The following TEX55 variants were observed in gnomAD, a reference collection of about 807,000 sequenced individuals.
The protein encoded by TEX55 is testis-specific expressed protein 55.
Under a neutral mutation model 44.6 loss-of-function variants are expected in TEX55, and 31 were observed. That is an observed-to-expected ratio of 0.69 (90% CI 0.52 to 0.94). The LOEUF (loss-of-function observed/expected upper bound fraction) is 0.94, where lower values mean the gene tolerates loss of function less well. Among genes scored for constraint, TEX55 ranks in the 40% least tolerant of loss-of-function variants. TEX55 has a pLI of 0.00. For synonymous variants in TEX55, 230 were observed against 230.9 expected, an observed-to-expected ratio of 1.00 and a Z score of 0.04; for missense variants, 639 against 638.4, an observed-to-expected ratio of 1.00 and a Z score of -0.01.
At position 119,146,632 on chromosome 3, in the gene TEX55, G is replaced by A. The variant is rs146790452; in HGVS notation, c.443G>A (p.Arg148Gln). The change falls in exon 1 of 3, where the codon CGA becomes CAA. Residue 148 changes from arginine (R) to glutamine (Q), a missense_variant. By Grantham distance (43) the Arg-to-Gln change is conservative (BLOSUM62 1). Transcript: ENST00000295622. ...TEERTAEQTE[R>Q]RLPTQAERRT... Reference sequence around the variant, plus strand: ...GAAAGAACTGCTGAACAGACTGAACGAAGATTACCTACCCAGGCTGAGAGA... The same window carrying A: ...GAAAGAACTGCTGAACAGACTGAACAAAGATTACCTACCCAGGCTGAGAGA... 1.1e-4 allele frequency: 174 copies of A among 1,614,142 alleles called. No individual in the cohort carries two copies. In the East Asian group the frequency reaches 3.3e-3, roughly 31 times the overall value.
chr3:119,147,183 C>G lies in TEX55; in HGVS notation c.994C>G (p.Gln332Glu). 1 of 1,614,144 alleles carries G rather than the reference C, an allele frequency of 6.2e-7. No individual in the cohort carries two copies. The highest frequency in any genetic ancestry group is 8.5e-7 in the Non-Finnish European group (1 of 1,180,026). The change falls in exon 1 of 3, where the codon CAA becomes GAA. Residue 332 changes from glutamine (Q) to glutamate (E), a missense_variant. Physicochemically the swap from Gln to Glu is conservative, Grantham distance 29. Coordinates refer to ENST00000295622, the MANE Select transcript of TEX55 (RefSeq NM_152539.3). ...AIDQAHSNAD[Q>E]PPVDNAHYTE... ...TGACCAAGCTCATAGTAATGCTGAT[C>G]AACCTCCAGTTGACAATGCTCACTA...
chr3:119,149,840 G>A (rs530788071), intron 2 of TEX55, among the ~76,000 whole-genome samples: 1 of 152,222 alleles, frequency 6.6e-6, no homozygotes, highest in Non-Finnish European at 1.5e-5. Flanking sequence ...TTCTCTAGAG[G>A]GGAAAAGATA....
intron 1 of TEX55, 67 bp from the exon 2 acceptor site, chr3:119,148,113 G>A: frequency 7.2e-7 from 1 of 1,384,874 alleles, no homozygotes; most frequent in Non-Finnish European, 1.0e-6. Flanking sequence ...AGGTTTCACT[G>A]ATAATGACAA....
rs753825844 is a variant in TEX55 at position 119,148,320 on chromosome 3, C to T, written c.1539C>T (p.Phe513=). Residue 513 remains phenylalanine (F), a synonymous_variant, in exon 2 of 3, where the codon TTC becomes TTT. Transcript: ENST00000295622. ...YMEKHHILQI[F]QQITENLVYE... ...AAAAACACCACATTCTGCAAATATT[C>T]CAGGTAAACCTCTCAATTCCTCTCT... 6.2e-7 allele frequency: 1 copy of T among 1,609,122 alleles called. No homozygotes were observed. Among genetic ancestry groups the T allele is most frequent in the South Asian group, 1.1e-5 (1 of 89,444 alleles).
Position 119,147,454 on chromosome 3 carries a change from A to G in TEX55, c.1265A>G (p.Asn422Ser). The change falls in exon 1 of 3, where the codon AAC (asparagine) becomes AGC (serine). Residue 422 changes from asparagine to serine, a missense_variant. Coordinates refer to ENST00000295622, the MANE Select transcript of TEX55 (RefSeq NM_152539.3). ...AATGCAACCACTATCCCACCCTACA[A>G]CCCAGTTGATGCCAGATTCACCAGT... ...TQNATTIPPY[N>S]PVDARFTSNF... is the part of the protein sequence containing the mutation. The G allele has an allele frequency of 1.9e-6, 3 of 1,613,942 alleles. No homozygotes were observed. Among genetic ancestry groups the G allele is most frequent in the East Asian group, 2.2e-5 (1 of 44,874 alleles).
intron 2 of TEX55, among the ~76,000 whole-genome samples, chr3:119,149,784 A>G (rs2077765471): frequency 6.6e-6 from 1 of 152,216 alleles, no homozygotes; most frequent in African/African-American, 2.4e-5. Context: ...GAACACGACT[A>G]TACTTTCAAA....
chr3:119,150,756 G>T (rs1288525217), intron 2 of TEX55, among the ~76,000 whole-genome samples: 1 of 152,116 alleles, frequency 6.6e-6, no homozygotes, highest in Non-Finnish European at 1.5e-5. Flanking sequence ...CAAGACCACA[G>T]TTCTCAAAAC....
At position 119,147,160 on chromosome 3, in the gene TEX55, A is replaced by G. The variant is rs2077735799; in HGVS notation, c.971A>G (p.Asp324Gly). Residue 324 changes from aspartate (D) to glycine (G), a missense_variant, in exon 1 of 3, where the codon GAC (aspartate) becomes GGC (glycine). Asp to Gly is a moderately conservative substitution (Grantham distance 94, BLOSUM62 -1). Transcript: ENST00000295622. ...GAACTAGCTGAACACCAGGCTATTG[A>G]CCAAGCTCATAGTAATGCTGATCAA... Reference protein sequence around the residue: ...ATELAEHQAIDQAHSNADQPP... With the variant: ...ATELAEHQAIGQAHSNADQPP... 1 of 1,614,154 alleles carries G rather than the reference A, an allele frequency of 6.2e-7. No homozygotes were observed. Among genetic ancestry groups the G allele is most frequent in the Non-Finnish European group, 8.5e-7 (1 of 1,180,010 alleles).
intron 2 of TEX55, among the ~76,000 whole-genome samples, chr3:119,148,761 CACTT>C (rs1395635851): frequency 1.3e-5 from 2 of 152,234 alleles, no homozygotes; most frequent in African/African-American, 4.8e-5. Flanking sequence ...GCCTACCACA[CACTT>C]AGGCTATATG....
chr3:119,149,448 C>T (rs1277906910), intron 2 of TEX55, among the ~76,000 whole-genome samples: 2 of 152,160 alleles, frequency 1.3e-5, no homozygotes, highest in South Asian at 2.1e-4. Context: ...CCTGTGATAA[C>T]AATGCCTTCT....
At chr3:119,151,173 A>C in intron 2 of TEX55, 51 bp from the exon 3 acceptor site, 2 of 1,121,522 alleles carry the variant, frequency 1.8e-6, no homozygotes, top group Non-Finnish European at 2.7e-6. Flanking sequence ...TAACCTGACC[A>C]CATAATTTTG....
Position 119,147,516 on chromosome 3 carries a change from C to T in TEX55, c.1327C>T (p.Leu443Phe). Residue 443 changes from leucine to phenylalanine, a missense_variant, in exon 1 of 3, where the codon CTC becomes TTC. Transcript: ENST00000295622. ...QAKDQALFPR[L>F]PSISSKLNYT... ...AAAAGACCAAGCTCTTTTCCCAAGA[C>T]TCCCCTCCATCTCATCCAAATTGAA... 6.2e-7 allele frequency: 1 copy of T among 1,614,122 alleles called. No individual in the cohort carries two copies. The highest frequency in any genetic ancestry group is 8.5e-7 in the Non-Finnish European group (1 of 1,179,998).
At position 119,146,820 on chromosome 3, in the gene TEX55, A is replaced by G. The variant is rs961920415; in HGVS notation, c.631A>G (p.Thr211Ala). 1.2e-6 allele frequency: 2 copies of G among 1,614,066 alleles called. No homozygotes were observed. The highest frequency in any genetic ancestry group is 2.7e-5 in the African/African-American group (2 of 74,934). Residue 211 changes from threonine (T) to alanine (A), a missense_variant, in exon 1 of 3, where the codon ACA becomes GCA. Physicochemically the swap from Thr to Ala is moderately conservative, Grantham distance 58 (BLOSUM62 0). Transcript: ENST00000295622. ...TGAGCGAAGAACTTCTGAGCAGATT[A>G]CACACAGATTATCCAAACTATCTGA... The part of the protein sequence containing the change: ...EAERRTSEQI[T>A]HRLSKLSERR...
chr3:119,148,161 G>T lies in TEX55; in HGVS notation c.1399-19G>T. On this transcript the variant is annotated intron_variant, in intron 1 of 2. Transcript: ENST00000295622. ...TCAGGTTTACTAAGGACTTTTTGGT[G>T]GGGGGATTTAAATTTCAGGATGAAT... The T allele has an allele frequency of 6.3e-7, 1 of 1,598,732 alleles. No homozygotes were observed. Among genetic ancestry groups the T allele is most frequent in the Non-Finnish European group, 8.5e-7 (1 of 1,174,832 alleles).
At chr3:119,151,165 A>C (rs1314565212) in intron 2 of TEX55, 59 bp from the exon 3 acceptor site, 1 of 1,071,668 alleles carries the variant, frequency 9.3e-7, no homozygotes, top group African/African-American at 1.8e-5. Context: ...ATCAAATATA[A>C]CCTGACCACA....
At chr3:119,150,562 A>G (rs578130643) in intron 2 of TEX55, among the ~76,000 whole-genome samples, 1 of 152,246 alleles carries the variant, frequency 6.6e-6, no homozygotes, top group East Asian at 1.9e-4. Context: ...TATGAAGTGA[A>G]TCTAAAGTTT....
At chr3:119,147,706 C>T (rs2077742403) in intron 1 of TEX55, 119 bp downstream of exon 1, 2 of 872,342 alleles carry the variant, frequency 2.3e-6, no homozygotes, top group East Asian at 5.2e-5. Context: ...AAGAATAAAC[C>T]CACATGTTGT....
chr3:119,149,141 A>T (rs2077758493), intron 2 of TEX55, among the ~76,000 whole-genome samples: 1 of 151,710 alleles, frequency 6.6e-6, no homozygotes, highest in Admixed American at 6.6e-5. Flanking sequence ...TACTTTATAA[A>T]TTTTTAATTT....
Position 119,146,553 on chromosome 3 carries a change from G to A in TEX55, c.364G>A (p.Ala122Thr). The A allele has an allele frequency of 1.2e-6, 2 of 1,613,956 alleles. No individual in the cohort carries two copies. The highest frequency in any genetic ancestry group is 1.3e-5 in the African/African-American group (1 of 75,056). Reference sequence around the variant, plus strand: ...GACTAAAGGCAAGGCATCTAGCCAAGCTAATAATGTACAGCATGAACAGAG... The same window carrying A: ...GACTAAAGGCAAGGCATCTAGCCAAACTAATAATGTACAGCATGAACAGAG... ...EQTKGKASSQ[A>T]NNVQHEQSDG... Residue 122 changes from alanine to threonine, a missense_variant, in exon 1 of 3, where the codon GCT (alanine) becomes ACT (threonine). Physicochemically the swap from Ala to Thr is moderately conservative, Grantham distance 58. Transcript: ENST00000295622.
Sources: allele counts gnomAD v4.1 joint callset (sites outside exome capture counted in the v4.1 genomes callset), GRCh38; gene constraint gnomAD v4.1.1; transcripts MANE v1.5; gene names NCBI Gene and HGNC (gene_info 2026-07-23, HGNC 2026-07-21).